The following AP3M1 variants were observed in gnomAD, a reference collection of about 807,000 sequenced individuals.
AP3M1 encodes the protein AP-3 complex subunit mu-1.
In AP3M1, 29 loss-of-function variants were observed where a neutral mutation model predicts 42.6. The ratio of observed to expected loss-of-function variants is 0.68; its 90% CI spans 0.51 to 0.93. The LOEUF is 0.93. AP3M1 is among the 40% of genes least tolerant of loss of function. The pLI is 0.00. For synonymous variants in AP3M1, 178 were observed against 175.3 expected (o/e 1.02, Z -0.12); for missense variants, 416 against 510.2 (o/e 0.82, Z 1.78).
chr10:74,121,856 T>C lies in AP3M1; in HGVS notation c.*1954A>G, dbSNP rs1362152396. 1 of 152,170 alleles carries C rather than the reference T, an allele frequency of 6.6e-6. No homozygotes were observed. Among genetic ancestry groups the C allele is most frequent in the East Asian group, 1.9e-4 (1 of 5,204 alleles). The allele number at this position is 152,170 out of a possible 1,614,324, so 9.4% of individuals were successfully genotyped here. A position where few individuals can be genotyped will look rare whatever the true frequency, so the allele number is the denominator to read the frequency against. Reference sequence around the variant, plus strand: ...ATTAATAAATACAGTAATTTGATTGTAAAAGGAAACATTCTACTTGGACAT... The same window carrying C: ...ATTAATAAATACAGTAATTTGATTGCAAAAGGAAACATTCTACTTGGACAT... On this transcript the variant is annotated 3_prime_UTR_variant, in exon 9 of 9. Coordinates refer to ENST00000355264, the MANE Select transcript of AP3M1 (RefSeq NM_012095.6).
intron 7 of AP3M1, among the ~76,000 whole-genome samples, chr10:74,125,730 A>G (rs1840593932): frequency 6.6e-6 from 1 of 152,242 alleles, no homozygotes; most frequent in Non-Finnish European, 1.5e-5. Context: ...AGAGTATGAA[A>G]TAATGCTTTT....
At chr10:74,126,075 C>T in intron 7 of AP3M1, 73 bp downstream of exon 7, 1 of 1,515,090 alleles carries the variant, frequency 6.6e-7, no homozygotes, top group Non-Finnish European at 9.2e-7. Flanking sequence ...AAACCTTTCC[C>T]TCCATTCCTC....
chr10:74,132,182 C>T (rs970735920), intron 4 of AP3M1, among the ~76,000 whole-genome samples: 2 of 151,892 alleles, frequency 1.3e-5, no homozygotes, highest in African/African-American at 2.4e-5. Context: ...GGTTTACAGG[C>T]GCCTGCCACC....
intron 1 of AP3M1, among the ~76,000 whole-genome samples, chr10:74,139,881 T>C (rs1591759834): frequency 7.6e-6 from 1 of 130,762 alleles, no homozygotes; most frequent in Non-Finnish European, 1.6e-5. Context: ...ACCACTGTAC[T>C]CCAGCCTGGG....
intron 1 of AP3M1, among the ~76,000 whole-genome samples, chr10:74,148,590 A>C (rs1841406740): frequency 6.6e-6 from 1 of 152,198 alleles, no homozygotes; most frequent in African/African-American, 2.4e-5. Context: ...TTTGTTGCCC[A>C]GGCTGAAGTG....
intron 6 of AP3M1, among the ~76,000 whole-genome samples, chr10:74,128,185 A>G (rs1025878832): frequency 6.6e-6 from 1 of 151,624 alleles, no homozygotes; most frequent in African/African-American, 2.4e-5. Flanking sequence ...GATGTTACTC[A>G]AATAACTTTT....
At chr10:74,133,977 G>A (rs1462186771) in intron 4 of AP3M1, 50 bp downstream of exon 4, 1 of 1,604,806 alleles carries the variant, frequency 6.2e-7, no homozygotes, top group Non-Finnish European at 8.5e-7. Flanking sequence ...CTATTCATCT[G>A]TGTCAGATGA....
chr10:74,125,905 T>C (rs1199105096), intron 7 of AP3M1, among the ~76,000 whole-genome samples: 1 of 152,250 alleles, frequency 6.6e-6, no homozygotes, highest in Non-Finnish European at 1.5e-5. Flanking sequence ...GGATTAATAA[T>C]GGATGAGTGA....
chr10:74,127,116 A>G (rs934233595), intron 6 of AP3M1, among the ~76,000 whole-genome samples: 4 of 152,134 alleles, frequency 2.6e-5, no homozygotes, highest in African/African-American at 9.7e-5. Flanking sequence ...TTTAAAGTAT[A>G]CAGGAGGATG....
chr10:74,148,857 T>C (rs1841417442), intron 1 of AP3M1, among the ~76,000 whole-genome samples: 1 of 151,064 alleles, frequency 6.6e-6, no homozygotes, highest in South Asian at 2.1e-4. Context: ...GCACTCCATC[T>C]GCCCATAGTA....
chr10:74,126,434 A>T, intron 6 of AP3M1, 79 bp from the exon 7 acceptor site: 5 of 1,168,356 alleles, frequency 4.3e-6, no homozygotes, highest in Non-Finnish European at 4.9e-6. Context: ...GTATCCTGAA[A>T]ACCTCTGTCC....
At chr10:74,131,883 G>A (rs1840788924) in intron 4 of AP3M1, among the ~76,000 whole-genome samples, 1 of 152,000 alleles carries the variant, frequency 6.6e-6, no homozygotes, top group South Asian at 2.1e-4. Flanking sequence ...TAATGAAAAG[G>A]GGACTCATGG....
At chr10:74,132,994 T>C (rs1229824084) in intron 4 of AP3M1, among the ~76,000 whole-genome samples, 2 of 152,358 alleles carry the variant, frequency 1.3e-5, no homozygotes, top group East Asian at 3.9e-4. Flanking sequence ...GGCTCACGCC[T>C]GTAATCCCAG....
Position 74,121,510 on chromosome 10 carries a change from G to C in AP3M1, c.*2300C>G, listed in dbSNP as rs1025697630. On this transcript the variant is annotated 3_prime_UTR_variant, in exon 9 of 9. Coordinates refer to ENST00000355264, the MANE Select transcript of AP3M1 (RefSeq NM_012095.6). ...TCAGAAATCTTTGTTATCAGTAGGT[G>C]GTGGTAGTGATAGGGAAGGGAGCTT... 1 of 152,212 alleles carries C rather than the reference G, an allele frequency of 6.6e-6. No homozygotes were observed. The highest frequency in any genetic ancestry group is 2.4e-5 in the African/African-American group (1 of 41,446). The allele number at this position is 152,212 out of a possible 1,614,324, so 9.4% of individuals were successfully genotyped here.
At chr10:74,147,553 T>G (rs1841369366) in intron 1 of AP3M1, among the ~76,000 whole-genome samples, 1 of 152,238 alleles carries the variant, frequency 6.6e-6, no homozygotes. Flanking sequence ...ACCATAAAAT[T>G]TTAATACCAC....
Position 74,121,943 on chromosome 10 carries a change from A to T in AP3M1, c.*1867T>A, listed in dbSNP as rs913068739. ...GTACATTCTACTTGGATAGAAGAGA[A>T]GATAGCACAGGAGGAGAACTGGACA... On this transcript the variant is annotated 3_prime_UTR_variant, in exon 9 of 9. Coordinates refer to ENST00000355264, the MANE Select transcript of AP3M1 (RefSeq NM_012095.6). 6.6e-6 allele frequency: 1 copy of T among 152,228 alleles called. No homozygotes were observed. The highest frequency in any genetic ancestry group is 6.5e-5 in the Admixed American group (1 of 15,280). The allele number at this position is 152,228 out of a possible 1,614,324, so 9.4% of individuals were successfully genotyped here. A position where few individuals can be genotyped will look rare whatever the true frequency, so the allele number is the denominator to read the frequency against.
intron 1 of AP3M1, among the ~76,000 whole-genome samples, chr10:74,139,585 C>T (rs1841069074): frequency 6.7e-6 from 1 of 150,292 alleles, no homozygotes; most frequent in African/African-American, 2.5e-5. Flanking sequence ...AGTTCAAGAC[C>T]AGCCTGGCCA....
chr10:74,141,592 TG>T (rs1222057497), intron 1 of AP3M1, among the ~76,000 whole-genome samples: 3 of 152,226 alleles, frequency 2.0e-5, no homozygotes, highest in Non-Finnish European at 2.9e-5. Flanking sequence ...TCCATTTATA[TG>T]AAGTTGTAGA....
At chr10:74,140,675 T>A (rs1018620211) in intron 1 of AP3M1, among the ~76,000 whole-genome samples, 1 of 151,276 alleles carries the variant, frequency 6.6e-6, no homozygotes, top group Non-Finnish European at 1.5e-5. Context: ...ACTACAAAAC[T>A]ACTATGTGGT....
Sources: allele counts gnomAD v4.1 joint callset (sites outside exome capture counted in the v4.1 genomes callset), GRCh38; gene constraint gnomAD v4.1.1; transcripts MANE v1.5; gene names NCBI Gene and HGNC (gene_info 2026-07-23, HGNC 2026-07-21).